The following TMEM178B variants were observed in gnomAD, a reference collection of about 807,000 sequenced individuals.
The protein encoded by TMEM178B is transmembrane protein 178B.
A neutral mutation model predicts 31.0 loss-of-function variants in TMEM178B; 5 were observed. That is an observed-to-expected ratio of 0.16 (90% CI 0.08 to 0.34). The LOEUF (loss-of-function observed/expected upper bound fraction) is 0.34. Among genes scored for constraint, TMEM178B ranks in the 10% least tolerant of loss-of-function variants. The pLI is 1.00. For synonymous variants in TMEM178B, 164 were observed against 164.0 expected (o/e 1.00, Z 0.00); for missense variants, 275 against 400.3 (o/e 0.69, Z 2.67).
Position 141,159,276 on chromosome 7 carries a change from G to A in TMEM178B, c.383-53315G>A, listed in dbSNP as rs1796127344. 2.0e-5 allele frequency among the ~76,000 whole-genome samples: 3 copies of A among 152,112 alleles called. No individual in the cohort carries two copies. In the South Asian group the frequency reaches 6.2e-4, roughly 32 times the overall value. On this transcript the variant is annotated intron_variant, in intron 1 of 3. Coordinates refer to ENST00000565468, the MANE Select transcript of TMEM178B (RefSeq NM_001195278.2). Reference sequence around the variant, plus strand: ...TATCCTATGTGTTACCAAGCCAGAGGGATGGTTTAAAAATCCAAATAAAAT... The same window carrying A: ...TATCCTATGTGTTACCAAGCCAGAGAGATGGTTTAAAAATCCAAATAAAAT...
chr7:141,106,085 CAAA>C (rs3032870), intron 1 of TMEM178B, among the ~76,000 whole-genome samples: 4 of 122,830 alleles, frequency 3.3e-5, no homozygotes, highest in Non-Finnish European at 3.3e-5. Context: ...GACCCTGTCT[CAAA>C]AAAAAAAAAA....
intron 2 of TMEM178B, among the ~76,000 whole-genome samples, chr7:141,336,659 T>C (rs533364264): frequency 4.1e-4 from 63 of 151,968 alleles, no homozygotes; most frequent in African/African-American, 1.5e-3. Flanking sequence ...AATATAATTA[T>C]ATAAATGCAT....
At chr7:141,459,099 G>A (rs1404736914) in intron 3 of TMEM178B, among the ~76,000 whole-genome samples, 2 of 152,078 alleles carry the variant, frequency 1.3e-5, no homozygotes, top group African/African-American at 4.8e-5. Flanking sequence ...GCGTGATCTC[G>A]GCTCACTGCA....
chr7:141,114,718 C>T (rs571498261), intron 1 of TMEM178B, among the ~76,000 whole-genome samples: 1 of 152,350 alleles, frequency 6.6e-6, no homozygotes, highest in African/African-American at 2.4e-5. Flanking sequence ...TTTTTCACTC[C>T]TGTTCTTTGG....
the TMEM178B span, among the ~76,000 whole-genome samples, chr7:141,503,757 T>C: frequency 6.6e-6 from 1 of 152,208 alleles, no homozygotes; most frequent in East Asian, 1.9e-4. Flanking sequence ...TATAGCTATA[T>C]ATTGAGGTTT....
At chr7:141,463,277 A>G (rs532520207) in intron 3 of TMEM178B, among the ~76,000 whole-genome samples, 148 of 152,324 alleles carry the variant, frequency 9.7e-4, no homozygotes, top group Non-Finnish European at 1.9e-3. Flanking sequence ...GGTCCCTTCC[A>G]GAACCAGCAG....
chr7:141,403,539 C>T (rs1181599937), intron 2 of TMEM178B, among the ~76,000 whole-genome samples: 4 of 152,202 alleles, frequency 2.6e-5, no homozygotes, highest in African/African-American at 4.8e-5. Context: ...ACTCTTTTGA[C>T]TGGAGTCTTG....
chr7:141,301,792 C>T (rs1798731620), intron 2 of TMEM178B, among the ~76,000 whole-genome samples: 1 of 152,172 alleles, frequency 6.6e-6, no homozygotes, highest in African/African-American at 2.4e-5. Context: ...TTGTGAGCAC[C>T]AGTGCAGAAA....
chr7:141,298,510 G>C (rs974365539), intron 2 of TMEM178B, among the ~76,000 whole-genome samples: 1 of 152,098 alleles, frequency 6.6e-6, no homozygotes, highest in Non-Finnish European at 1.5e-5. Flanking sequence ...AGAGATCTGG[G>C]GTCACAACTT....
At chr7:141,124,758 C>T (rs2129176871) in intron 1 of TMEM178B, among the ~76,000 whole-genome samples, 1 of 152,202 alleles carries the variant, frequency 6.6e-6, no homozygotes, top group Admixed American at 6.5e-5. Context: ...GCAACATAAG[C>T]AAGGTAGGGA....
intron 2 of TMEM178B, among the ~76,000 whole-genome samples, chr7:141,336,622 A>T: frequency 6.6e-6 from 1 of 152,036 alleles, no homozygotes; most frequent in East Asian, 1.9e-4. Context: ...TAAGGATGAT[A>T]TCAATAGGAC....
At chr7:141,387,517 C>A (rs780012093) in intron 2 of TMEM178B, among the ~76,000 whole-genome samples, 1 of 152,134 alleles carries the variant, frequency 6.6e-6, no homozygotes, top group Non-Finnish European at 1.5e-5. Flanking sequence ...ATTTTGTCCC[C>A]ATCTAAAATG....
intron 1 of TMEM178B, among the ~76,000 whole-genome samples, chr7:141,202,611 C>G (rs911124793): frequency 2.6e-5 from 4 of 152,178 alleles, no homozygotes; most frequent in African/African-American, 9.7e-5. Flanking sequence ...ACGTAGATAA[C>G]ACTTTTCCTT....
At chr7:141,388,346 T>C (rs1800471512) in intron 2 of TMEM178B, among the ~76,000 whole-genome samples, 1 of 152,190 alleles carries the variant, frequency 6.6e-6, no homozygotes, top group Non-Finnish European at 1.5e-5. Context: ...GCACGCTTTC[T>C]ACTCAAAGAA....
intron 1 of TMEM178B, among the ~76,000 whole-genome samples, chr7:141,145,620 C>T (rs1279216786): frequency 6.6e-6 from 1 of 152,214 alleles, no homozygotes; most frequent in African/African-American, 2.4e-5. Context: ...CTCTTTAATT[C>T]AGTGGCTCTC....
intron 2 of TMEM178B, among the ~76,000 whole-genome samples, chr7:141,213,215 A>G (rs116693813): frequency 0.014 from 2,077 of 152,262 alleles, 46 homozygotes; most frequent in African/African-American, 0.047. Flanking sequence ...TTTACCCTCA[A>G]ATGATAGGTT....
At chr7:141,501,430 T>C in the TMEM178B span, among the ~76,000 whole-genome samples, 1 of 152,096 alleles carries the variant, frequency 6.6e-6, no homozygotes, top group African/African-American at 2.4e-5. Flanking sequence ...CTACATGATC[T>C]CATATTTTCA....
chr7:141,381,476 C>CT (rs1021629488), intron 2 of TMEM178B, among the ~76,000 whole-genome samples: 2 of 152,136 alleles, frequency 1.3e-5, no homozygotes, highest in African/African-American at 4.8e-5. Context: ...TATATTTCTT[C>CT]TTTTTCTTTC....
At chr7:141,251,788 C>G (rs1797837959) in intron 2 of TMEM178B, among the ~76,000 whole-genome samples, 2 of 152,096 alleles carry the variant, frequency 1.3e-5, no homozygotes, top group South Asian at 2.1e-4. Flanking sequence ...TATTAGTAGA[C>G]TTGGCCTTAA....
Sources: gnomAD v4.1 joint callset for allele counts (sites outside exome capture counted in the v4.1 genomes callset) on GRCh38, gnomAD v4.1.1 for gene constraint, MANE v1.5 for transcripts, NCBI Gene and HGNC (gene_info 2026-07-23, HGNC 2026-07-21) for gene names.